Variants in CPVL observed in about 807,000 individuals in gnomAD.
The protein encoded by CPVL is carboxypeptidase vitellogenic like.
CPVL carries 51 observed loss-of-function variants against 63.7 expected under a neutral mutation model. The observed-to-expected ratio is 0.80, with a 90% confidence interval of 0.64 to 1.01. The LOEUF is 1.01. CPVL is among the 50% of genes least tolerant of loss of function. CPVL has a pLI of 0.00. For missense variants in CPVL, 530 were observed against 573.1 expected (o/e 0.92, Z 0.77); for synonymous variants, 195 against 206.0 (o/e 0.95, Z 0.46).
At chr7:29,110,759 A>G (rs1444080761) in intron 3 of CPVL, among the ~76,000 whole-genome samples, 1 of 152,240 alleles carries the variant, frequency 6.6e-6, no homozygotes, top group East Asian at 1.9e-4. Context: ...AAAGTTGCTA[A>G]TCAACTGGCC....
chr7:29,194,994 A>G, intron 1 of CPVL: 1 of 1,585,220 alleles, frequency 6.3e-7, no homozygotes, highest in Admixed American at 1.8e-5. Context: ...TCCTCCGGTG[A>G]GTTTCAGCCC....
At chr7:29,091,217 C>T (rs1785743001) in intron 6 of CPVL, among the ~76,000 whole-genome samples, 1 of 152,136 alleles carries the variant, frequency 6.6e-6, no homozygotes, top group African/African-American at 2.4e-5. Context: ...AGTCGACATC[C>T]CCATATGGAG....
chr7:29,103,190 G>A (rs954879065), intron 3 of CPVL, among the ~76,000 whole-genome samples: 3 of 138,888 alleles, frequency 2.2e-5, no homozygotes, highest in Non-Finnish European at 4.8e-5. Context: ...TGGGGGGGGG[G>A]GGGGGGTGCT....
At chr7:29,049,328 G>A (rs1029166506) in intron 11 of CPVL, among the ~76,000 whole-genome samples, 6 of 151,948 alleles carry the variant, frequency 3.9e-5, no homozygotes, top group Non-Finnish European at 8.8e-5. Flanking sequence ...AACAAAACGG[G>A]AGACATTACA....
chr7:29,132,663 G>A (rs781590699), intron 1 of CPVL, among the ~76,000 whole-genome samples: 20 of 152,052 alleles, frequency 1.3e-4, no homozygotes, highest in East Asian at 1.9e-4. Context: ...AGCCTCCCTC[G>A]TTAATCAAGC....
At chr7:29,045,105 A>C (rs949687080) in intron 11 of CPVL, among the ~76,000 whole-genome samples, 1 of 152,234 alleles carries the variant, frequency 6.6e-6, no homozygotes, top group African/African-American at 2.4e-5. Flanking sequence ...GAAAGAATGA[A>C]GAGAAAATAC....
chr7:29,082,289 G>A (rs1167943707), intron 7 of CPVL: 1 of 152,202 alleles, frequency 6.6e-6, no homozygotes, highest in Non-Finnish European at 1.5e-5. Context: ...ATCCCTGGAA[G>A]TGATCTAGTT....
chr7:29,125,577 G>C (rs1789925757), intron 1 of CPVL, among the ~76,000 whole-genome samples: 1 of 151,860 alleles, frequency 6.6e-6, no homozygotes, highest in African/African-American at 2.4e-5. Flanking sequence ...ATTTTTAGTA[G>C]AGGCGGGGTT....
At chr7:29,018,147 T>C (rs1053616046) in intron 12 of CPVL, among the ~76,000 whole-genome samples, 2 of 152,192 alleles carry the variant, frequency 1.3e-5, no homozygotes, top group Non-Finnish European at 2.9e-5. Context: ...TTATAGAAGC[T>C]ACACCCAGTA....
At chr7:29,030,886 A>C in intron 11 of CPVL, 127 bp from the exon 12 acceptor site, 1 of 800,790 alleles carries the variant, frequency 1.2e-6, no homozygotes, top group African/African-American at 1.7e-5. Context: ...ATTTTCTTCT[A>C]GTTAGCCATA....
intron 1 of CPVL, chr7:29,194,715 C>A: frequency 2.4e-6 from 1 of 418,724 alleles, no homozygotes; most frequent in South Asian, 6.8e-5. Context: ...GAAAAGCGTG[C>A]AAAGGCGCGG....
At chr7:29,152,974 G>A (rs1192170548) in intron 5 of CPVL, among the ~76,000 whole-genome samples, 1 of 152,194 alleles carries the variant, frequency 6.6e-6, no homozygotes, top group Non-Finnish European at 1.5e-5. Context: ...TCTATCTGAG[G>A]GGTGGCCAAA....
At chr7:29,053,606 TA>T (rs1790415611) in intron 11 of CPVL, among the ~76,000 whole-genome samples, 2 of 152,132 alleles carry the variant, frequency 1.3e-5, no homozygotes, top group Admixed American at 1.3e-4. Flanking sequence ...TGCTAATGAA[TA>T]GGGGATTTTT....
intron 12 of CPVL, among the ~76,000 whole-genome samples, chr7:29,029,594 G>A (rs889018650): frequency 2.6e-5 from 4 of 152,116 alleles, no homozygotes; most frequent in East Asian, 1.9e-4. Flanking sequence ...ATGTGGGAGC[G>A]TAAAAAGTTA....
At chr7:29,181,106 A>T (rs940358348) in intron 5 of CPVL, among the ~76,000 whole-genome samples, 9 of 152,178 alleles carry the variant, frequency 5.9e-5, no homozygotes, top group Non-Finnish European at 1.5e-5. Flanking sequence ...TTTCCTAGGG[A>T]ATTTGTGTTT....
intron 11 of CPVL, among the ~76,000 whole-genome samples, chr7:29,032,006 T>A (rs879552818): frequency 2.0e-5 from 3 of 152,178 alleles, no homozygotes; most frequent in Non-Finnish European, 2.9e-5. Context: ...TTTCTACTCT[T>A]ACGCTACTTT....
intron 3 of CPVL, chr7:29,184,667 C>T (rs1798491284): frequency 6.6e-6 from 1 of 152,118 alleles, no homozygotes; most frequent in African/African-American, 2.4e-5. Flanking sequence ...GTGATGGGGC[C>T]CATCTACATA....
intron 7 of CPVL, among the ~76,000 whole-genome samples, chr7:29,073,739 T>TA (rs376317018): frequency 1.3e-4 from 20 of 152,374 alleles, no homozygotes; most frequent in African/African-American, 4.6e-4. Flanking sequence ...TATATACTGT[T>TA]ATTCTCCTAC....
At chr7:29,067,260 T>A (rs1783226805) in intron 9 of CPVL, among the ~76,000 whole-genome samples, 1 of 152,124 alleles carries the variant, frequency 6.6e-6, no homozygotes, top group South Asian at 2.1e-4. Flanking sequence ...ATCGTCAATG[T>A]GGATCCTGCA....
Sources: allele counts gnomAD v4.1 joint callset (sites outside exome capture counted in the v4.1 genomes callset), GRCh38; gene constraint gnomAD v4.1.1; transcripts MANE v1.5; gene names NCBI Gene and HGNC (gene_info 2026-07-23, HGNC 2026-07-21).